The following PRKN variants were observed in gnomAD, a reference collection of about 807,000 sequenced individuals.
PRKN encodes parkin RBR E3 ubiquitin protein ligase.
A neutral mutation model predicts 59.5 loss-of-function variants in PRKN; 56 were observed. That is an observed-to-expected ratio of 0.94 (90% confidence interval 0.76 to 1.18). The LOEUF (loss-of-function observed/expected upper bound fraction) is 1.18, where lower values mean the gene tolerates loss of function less well. Among genes scored for constraint, PRKN ranks in the 50% most tolerant of loss-of-function variants. The probability of loss-of-function intolerance (pLI) is 0.00; values close to 1 mark genes in which losing one functional copy is unlikely to be tolerated. For synonymous variants in PRKN, 250 were observed against 222.1 expected (o/e 1.13, Z -1.12); for missense variants, 657 against 596.4 (o/e 1.10, Z -1.06).
At chr6:162,671,727 G>T (rs949783600) in intron 1 of PRKN, among the ~76,000 whole-genome samples, 1 of 150,358 alleles carries the variant, frequency 6.7e-6, no homozygotes, top group African/African-American at 2.4e-5. Flanking sequence ...ATACATACAT[G>T]TTTAGGAAAT....
chr6:161,778,898 A>T (rs1790070456), intron 7 of PRKN, among the ~76,000 whole-genome samples: 1 of 152,068 alleles, frequency 6.6e-6, no homozygotes, highest in Non-Finnish European at 1.5e-5. Flanking sequence ...TTCTTTACAG[A>T]ATTAACTGTC....
chr6:161,670,252 A>T (rs1784861110), intron 7 of PRKN, among the ~76,000 whole-genome samples: 1 of 152,116 alleles, frequency 6.6e-6, no homozygotes, highest in South Asian at 2.1e-4. Context: ...GAGATAATGA[A>T]GGGACGTGAT....
At chr6:161,728,291 T>C (rs961405766) in intron 7 of PRKN, among the ~76,000 whole-genome samples, 1 of 151,344 alleles carries the variant, frequency 6.6e-6, no homozygotes, top group Admixed American at 6.6e-5. Context: ...TCACAGAAAA[T>C]GAGTGATTCT....
intron 6 of PRKN, among the ~76,000 whole-genome samples, chr6:161,954,468 T>C (rs1780100191): frequency 6.6e-6 from 1 of 152,194 alleles, no homozygotes. Flanking sequence ...TTGCTTTCTG[T>C]GGGAATAATT....
chr6:162,167,557 A>C (rs1224139681), intron 4 of PRKN, among the ~76,000 whole-genome samples: 1 of 152,166 alleles, frequency 6.6e-6, no homozygotes. Context: ...CGAAACAGTC[A>C]GTAACTTGGC....
At chr6:162,408,638 T>C (rs1254664876) in intron 2 of PRKN, among the ~76,000 whole-genome samples, 1 of 152,170 alleles carries the variant, frequency 6.6e-6, no homozygotes, top group Non-Finnish European at 1.5e-5. Context: ...AATTTACACA[T>C]ACAGAGTTGA....
chr6:162,115,648 T>C (rs1245484826), intron 4 of PRKN, among the ~76,000 whole-genome samples: 1 of 151,906 alleles, frequency 6.6e-6, no homozygotes, highest in Non-Finnish European at 1.5e-5. Context: ...GTGTTTGTCA[T>C]GAGCTTCGTC....
At chr6:161,500,233 A>G (rs1777908307) in intron 9 of PRKN, among the ~76,000 whole-genome samples, 1 of 152,054 alleles carries the variant, frequency 6.6e-6, no homozygotes, top group Admixed American at 6.6e-5. Context: ...TCCCCTATAC[A>G]TGCACAGCCT....
At chr6:162,398,739 A>G (rs1174081808) in intron 2 of PRKN, among the ~76,000 whole-genome samples, 1 of 152,232 alleles carries the variant, frequency 6.6e-6, no homozygotes, top group East Asian at 1.9e-4. Flanking sequence ...TTTCAGGGAA[A>G]CAAATATGCA....
rs146411498 is a variant in PRKN, at chr6:161,480,060, G to A, written c.1083+68794C>T. Among the ~76,000 whole-genome samples the A allele has an allele frequency of 1.8e-3, 280 of 152,290 alleles. No homozygotes were observed. The highest frequency in any genetic ancestry group is 6.4e-3 in the African/African-American group (268 of 41,560). Reference sequence around the variant, plus strand: ...GTGAAGGTGAGCCTCTGTCAGCCTCGGCCTTGATGAGGAGGGCAGCCTTCA... The same window carrying A: ...GTGAAGGTGAGCCTCTGTCAGCCTCAGCCTTGATGAGGAGGGCAGCCTTCA... On this transcript the variant is annotated intron_variant, in intron 9 of 11. Coordinates refer to ENST00000366898, the MANE Select transcript of PRKN (RefSeq NM_004562.3). This position sits in a 1 kb window ranked among gnomAD's most constrained non-coding sequence, Gnocchi z 4.1.
At chr6:161,954,106 A>C (rs979448781) in intron 6 of PRKN, among the ~76,000 whole-genome samples, 1 of 152,174 alleles carries the variant, frequency 6.6e-6, no homozygotes, top group African/African-American at 2.4e-5. Context: ...GGGCAGGAAG[A>C]GATTTTTCAC....
intron 3 of PRKN, among the ~76,000 whole-genome samples, chr6:162,237,393 C>T (rs367570607): frequency 6.6e-6 from 1 of 152,130 alleles, no homozygotes; most frequent in East Asian, 1.9e-4. Context: ...AAACAATTTA[C>T]ATAATGATTT....
chr6:161,968,281 T>C (rs2128250433), intron 6 of PRKN, among the ~76,000 whole-genome samples: 1 of 150,808 alleles, frequency 6.6e-6, no homozygotes, highest in African/African-American at 2.4e-5. Context: ...TCAAGTGATC[T>C]GCACACCTCA....
At chr6:162,467,455 A>G (rs1791479730) in intron 1 of PRKN, among the ~76,000 whole-genome samples, 1 of 152,166 alleles carries the variant, frequency 6.6e-6, no homozygotes, top group African/African-American at 2.4e-5. Flanking sequence ...AGGAAACAGC[A>G]CCATGAATGA....
chr6:161,513,211 T>C (rs375205865), intron 9 of PRKN, among the ~76,000 whole-genome samples: 4 of 152,328 alleles, frequency 2.6e-5, no homozygotes, highest in South Asian at 4.1e-4. Flanking sequence ...GATATTCCCA[T>C]TTGAGCTTAA....
intron 6 of PRKN, among the ~76,000 whole-genome samples, chr6:161,842,741 GT>G (rs1367205182): frequency 6.6e-6 from 1 of 151,942 alleles, no homozygotes; most frequent in African/African-American, 2.4e-5. Context: ...ATTGAGATGG[GT>G]TTTCACTATG....
At chr6:161,726,765 A>C (rs1466086926) in intron 7 of PRKN, among the ~76,000 whole-genome samples, 2 of 152,232 alleles carry the variant, frequency 1.3e-5, no homozygotes, top group African/African-American at 4.8e-5. Context: ...GATAGGTCAG[A>C]TAGAGAGATG....
At chr6:161,424,336 CAAAAA>C (rs56268660) in intron 9 of PRKN, among the ~76,000 whole-genome samples, 6 of 109,200 alleles carry the variant, frequency 5.5e-5, no homozygotes, top group Non-Finnish European at 5.6e-5. Flanking sequence ...GATTCTGTCT[CAAAAA>C]AAAAAAAAAA....
chr6:162,637,092 T>TA (rs374685584), intron 1 of PRKN, among the ~76,000 whole-genome samples: 1 of 151,294 alleles, frequency 6.6e-6, no homozygotes, highest in South Asian at 2.1e-4. Context: ...CCATCTCTAC[T>TA]AAAAAATAAA....
Sources: gnomAD v4.1 joint callset for allele counts (sites outside exome capture counted in the v4.1 genomes callset) on GRCh38, gnomAD v4.1.1 for gene constraint, Gnocchi (gnomAD v3.1) non-coding constraint, MANE v1.5 for transcripts, NCBI Gene and HGNC (gene_info 2026-07-23, HGNC 2026-07-21) for gene names.